Variants in GALNT13 observed in about 807,000 individuals in gnomAD.
GALNT13 encodes UDP-GalNAc:polypeptide N-acetylgalactosaminyltransferase 13.
In GALNT13, 28 loss-of-function variants were observed where a neutral mutation model predicts 64.2. That is an observed-to-expected ratio of 0.44 (90% confidence interval 0.32 to 0.60). The LOEUF (loss-of-function observed/expected upper bound fraction) is 0.60, where lower values mean the gene tolerates loss of function less well. Among genes scored for constraint, GALNT13 ranks in the 20% least tolerant of loss-of-function variants. The probability of loss-of-function intolerance (pLI) is 0.05; values close to 1 mark genes in which losing one functional copy is unlikely to be tolerated. For synonymous variants in GALNT13, 214 were observed against 224.6 expected, an observed-to-expected ratio of 0.95 and a Z score of 0.42; for missense variants, 577 against 669.8, an observed-to-expected ratio of 0.86 and a Z score of 1.53.
chr2:154,390,908 A>G (rs1312868446), intron 9 of GALNT13, among the ~76,000 whole-genome samples: 4 of 152,176 alleles, frequency 2.6e-5, no homozygotes, highest in African/African-American at 9.7e-5. Flanking sequence ...TTTCTCCAGT[A>G]GAATATAAAC....
chr2:153,719,202 A>C, the GALNT13 span, among the ~76,000 whole-genome samples: 8 of 152,280 alleles, frequency 5.3e-5, no homozygotes, highest in East Asian at 1.4e-3. Flanking sequence ...TGGAAAAGGG[A>C]AGACCAGGAA....
chr2:153,075,234 G>A, the GALNT13 span, among the ~76,000 whole-genome samples: 2 of 152,072 alleles, frequency 1.3e-5, no homozygotes, highest in African/African-American at 2.4e-5. Context: ...ATAGAATACC[G>A]GTATCTCAGT....
At chr2:154,376,406 G>T (rs746145622) in intron 9 of GALNT13, among the ~76,000 whole-genome samples, 1 of 152,088 alleles carries the variant, frequency 6.6e-6, no homozygotes, top group African/African-American at 2.4e-5. Context: ...GCTAAATCAT[G>T]TAATCTTTGT....
intron 3 of GALNT13, among the ~76,000 whole-genome samples, chr2:154,093,545 G>C (rs545250695): frequency 4.6e-5 from 7 of 152,050 alleles, no homozygotes; most frequent in Admixed American, 4.6e-4. Context: ...CAAACTGACA[G>C]TTTAGAGGAA....
intron 4 of GALNT13, among the ~76,000 whole-genome samples, chr2:154,160,569 T>G (rs1025082792): frequency 7.9e-5 from 12 of 151,926 alleles, no homozygotes; most frequent in Admixed American, 7.9e-4. Context: ...CTCCAAACAT[T>G]AAAAAAAACC....
At chr2:153,314,918 T>G in the GALNT13 span, among the ~76,000 whole-genome samples, 1 of 150,080 alleles carries the variant, frequency 6.7e-6, no homozygotes, top group African/African-American at 2.5e-5. Flanking sequence ...ACAGTAAAGA[T>G]TAAATAAATG....
At chr2:153,156,305 A>T in the GALNT13 span, among the ~76,000 whole-genome samples, 2 of 152,180 alleles carry the variant, frequency 1.3e-5, no homozygotes, top group African/African-American at 4.8e-5. Flanking sequence ...AATCACCTCA[A>T]ATCAGAAACA....
chr2:153,243,091 G>C, the GALNT13 span, among the ~76,000 whole-genome samples: 1 of 152,214 alleles, frequency 6.6e-6, no homozygotes, highest in South Asian at 2.1e-4. Context: ...GCTTGGATCA[G>C]AGAAGCATGC....
At chr2:154,282,114 C>T (rs557767379) in intron 8 of GALNT13, among the ~76,000 whole-genome samples, 1 of 152,118 alleles carries the variant, frequency 6.6e-6, no homozygotes, top group Non-Finnish European at 1.5e-5. Flanking sequence ...TTCAACTCAG[C>T]ATTGTCTACG....
the GALNT13 span, among the ~76,000 whole-genome samples, chr2:153,333,836 T>G: frequency 3.1e-3 from 474 of 152,362 alleles, 19 homozygotes; most frequent in East Asian, 0.083. Flanking sequence ...TTCTACTATG[T>G]GAGGCATCTC....
the GALNT13 span, among the ~76,000 whole-genome samples, chr2:153,294,268 C>G: frequency 6.6e-6 from 1 of 152,122 alleles, no homozygotes; most frequent in Non-Finnish European, 1.5e-5. Context: ...AAGTCCTTCT[C>G]AATACTCAGG....
At chr2:153,089,511 T>A in the GALNT13 span, among the ~76,000 whole-genome samples, 1 of 152,206 alleles carries the variant, frequency 6.6e-6, no homozygotes, top group Non-Finnish European at 1.5e-5. Context: ...TGTGTTTGGA[T>A]GTCTAGATCT....
the GALNT13 span, among the ~76,000 whole-genome samples, chr2:153,833,373 C>A: frequency 6.6e-6 from 1 of 151,312 alleles, no homozygotes; most frequent in Non-Finnish European, 1.5e-5. Context: ...TTGCTAAGAT[C>A]TACAGTAAGA....
chr2:153,890,159 A>G (rs1489675629), intron 1 of GALNT13, among the ~76,000 whole-genome samples: 1 of 152,016 alleles, frequency 6.6e-6, no homozygotes, highest in Admixed American at 6.6e-5. Context: ...AACAAACACA[A>G]AAATCATCTG....
the GALNT13 span, among the ~76,000 whole-genome samples, chr2:153,402,199 C>G: frequency 6.7e-6 from 1 of 149,552 alleles, no homozygotes; most frequent in Admixed American, 6.6e-5. Flanking sequence ...CTTAGTTTGG[C>G]TGGATATGAA....
the GALNT13 span, among the ~76,000 whole-genome samples, chr2:153,558,461 C>G: frequency 1.3e-5 from 2 of 152,198 alleles, no homozygotes; most frequent in African/African-American, 4.8e-5. Flanking sequence ...TCCCACATAT[C>G]TTAGCGATGG....
chr2:154,255,038 A>C (rs949173677), intron 7 of GALNT13, among the ~76,000 whole-genome samples: 7 of 152,184 alleles, frequency 4.6e-5, no homozygotes, highest in African/African-American at 1.7e-4. Flanking sequence ...AGCTTGTCCA[A>C]AGTCTGACAG....
At chr2:153,280,362 C>A in the GALNT13 span, among the ~76,000 whole-genome samples, 1 of 152,018 alleles carries the variant, frequency 6.6e-6, no homozygotes, top group Non-Finnish European at 1.5e-5. Flanking sequence ...GTCTCAAATT[C>A]ATTTAGTTCT....
chr2:153,271,990 A>C, the GALNT13 span, among the ~76,000 whole-genome samples: 1 of 152,232 alleles, frequency 6.6e-6, no homozygotes, highest in Non-Finnish European at 1.5e-5. Flanking sequence ...GATCTTTGGC[A>C]AACATGATAA....
Sources: gnomAD v4.1 joint callset for allele counts (sites outside exome capture counted in the v4.1 genomes callset) on GRCh38, gnomAD v4.1.1 for gene constraint, MANE v1.5 for transcripts, NCBI Gene and HGNC (gene_info 2026-07-23, HGNC 2026-07-21) for gene names.